The following EPHX4 variants were observed in gnomAD, a reference collection of about 807,000 sequenced individuals.
EPHX4 encodes abhydrolase domain containing 7.
In EPHX4, 31 loss-of-function variants were observed where a neutral mutation model predicts 44.9. The observed-to-expected ratio is 0.69, with a 90% CI of 0.52 to 0.93. The LOEUF is 0.93. Among genes scored for constraint, EPHX4 ranks in the 40% least tolerant of loss-of-function variants. The pLI is 0.00. For missense variants in EPHX4, 373 were observed against 438.1 expected (o/e 0.85, Z 1.33); for synonymous variants, 151 against 159.7 (o/e 0.95, Z 0.41).
At chr1:92,034,121 T>C (rs949120508) in intron 2 of EPHX4, among the ~76,000 whole-genome samples, 8 of 137,310 alleles carry the variant, frequency 5.8e-5, no homozygotes, top group Middle Eastern at 3.8e-3. Context: ...TGAAACCCTG[T>C]CTCTACTAAA....
intron 2 of EPHX4, among the ~76,000 whole-genome samples, chr1:92,039,736 C>T (rs1372238448): frequency 3.3e-5 from 5 of 152,120 alleles, no homozygotes; most frequent in Admixed American, 1.3e-4. Flanking sequence ...TCACTGCAAC[C>T]TCCATCTCCC....
chr1:92,048,331 G>A (rs939242298), intron 4 of EPHX4, among the ~76,000 whole-genome samples: 1 of 152,172 alleles, frequency 6.6e-6, no homozygotes, highest in African/African-American at 2.4e-5. Context: ...AATTGATCAG[G>A]ACCCAAGAGT....
chr1:92,057,363 A>G (rs1001156959), intron 6 of EPHX4, among the ~76,000 whole-genome samples: 2 of 152,196 alleles, frequency 1.3e-5, no homozygotes, highest in East Asian at 3.8e-4. Context: ...AAAAATAACT[A>G]TTAATACAAA....
At chr1:92,039,884 C>T (rs1242390060) in intron 2 of EPHX4, among the ~76,000 whole-genome samples, 1 of 152,168 alleles carries the variant, frequency 6.6e-6, no homozygotes, top group Non-Finnish European at 1.5e-5. Flanking sequence ...AAATTCCTAA[C>T]CTCAAGCCAT....
chr1:92,045,811 C>T lies in EPHX4; in HGVS notation c.604+151C>T, dbSNP rs192732598. The T allele has an allele frequency of 1.5e-3, 1,200 of 821,580 alleles. 5 individuals carry two copies. Among genetic ancestry groups the T allele is most frequent in the Non-Finnish European group, 1.2e-3 (615 of 529,590 alleles). The allele number at this position is 821,580 out of a possible 1,614,324, so 50.9% of individuals were successfully genotyped here. A position where few individuals can be genotyped will look rare whatever the true frequency, so the allele number is the denominator to read the frequency against. Reference sequence around the variant, plus strand: ...GATAGCACATGACAGTGTCAGATACCTTGGTTTTCAATCTTCCTGGGGAAT... The same window carrying T: ...GATAGCACATGACAGTGTCAGATACTTTGGTTTTCAATCTTCCTGGGGAAT... On this transcript the variant is annotated intron_variant, in intron 4 of 6. Coordinates refer to ENST00000370383, the MANE Select transcript of EPHX4 (RefSeq NM_173567.5).
At position 92,045,555 on chromosome 1, in the gene EPHX4, G is replaced by T. The variant is rs1171476114; in HGVS notation, c.499G>T (p.Gly167Cys). The T allele has an allele frequency of 6.2e-7, 1 of 1,613,900 alleles. No individual in the cohort carries two copies. Among genetic ancestry groups the T allele is most frequent in the East Asian group, 2.2e-5 (1 of 44,864 alleles). ...SLGYSKCVLI[G>C]HDWGGMIAWL... ...AGGGTATAGCAAATGTGTTCTTATT[G>T]GCCATGACTGGGGGGGCATGATTGC... The change falls in exon 4 of 7, where the codon GGC (glycine) becomes TGC (cysteine). Residue 167 changes from glycine (G) to cysteine (C), a missense_variant. Physicochemically the swap from Gly to Cys is radical, Grantham distance 159. Transcript: ENST00000370383.
At position 92,063,292 on chromosome 1, in the gene EPHX4, C is replaced by T. The variant is rs1647538934; in HGVS notation, c.*6C>T. 6.4e-7 allele frequency: 1 copy of T among 1,569,482 alleles called. No individual in the cohort carries two copies. Reference sequence around the variant, plus strand: ...AAACAAGAAAAAAAGATTGACTTTTCTTTATCTTCTATGAAGGGTCTGTAA... The same window carrying T: ...AAACAAGAAAAAAAGATTGACTTTTTTTTATCTTCTATGAAGGGTCTGTAA... On this transcript the variant is annotated 3_prime_UTR_variant, in exon 7 of 7. Coordinates refer to ENST00000370383, the MANE Select transcript of EPHX4 (RefSeq NM_173567.5).
Position 92,040,941 on chromosome 1 carries a change from A to T in EPHX4, c.318-1882A>T, listed in dbSNP as rs1688500296. Among the ~76,000 whole-genome samples the T allele has an allele frequency of 2.0e-5, 3 of 152,050 alleles. No individual in the cohort carries two copies. The South Asian group carries it at 6.2e-4, about 32-fold the overall frequency. ...TGATCTCCCACTTGGCTTGTGTCAG[A>T]TAATTTTACACTGTATTTCCATGAA... On this transcript the variant is annotated intron_variant, in intron 2 of 6. Coordinates refer to ENST00000370383, the MANE Select transcript of EPHX4 (RefSeq NM_173567.5).
At chr1:92,036,827 A>G (rs1009999781) in intron 2 of EPHX4, among the ~76,000 whole-genome samples, 1 of 152,146 alleles carries the variant, frequency 6.6e-6, no homozygotes. Flanking sequence ...TGGTAATCAG[A>G]TATCTCTGGA....
chr1:92,033,123 T>C (rs1158672823), intron 2 of EPHX4, among the ~76,000 whole-genome samples: 1 of 149,798 alleles, frequency 6.7e-6, no homozygotes, highest in Non-Finnish European at 1.5e-5. Flanking sequence ...CTATATTGCC[T>C]AGGCTGGTCT....
At position 92,050,382 on chromosome 1, in the gene EPHX4, T is replaced by C; in HGVS notation, c.670T>C (p.Trp224Arg). The C allele has an allele frequency of 6.2e-7, 1 of 1,604,330 alleles. No homozygotes were observed. Among genetic ancestry groups the C allele is most frequent in the South Asian group, 1.1e-5 (1 of 89,208 alleles). ...SSYYYFFQIPWFPEFMFSIND... is the reference protein window; with the variant it reads ...SSYYYFFQIPRFPEFMFSIND... Reference sequence around the variant, plus strand: ...TTATTATTACTTCTTCCAAATACCATGGTTCCCAGAATTTATGTTCTCAAT... The same window carrying C: ...TTATTATTACTTCTTCCAAATACCACGGTTCCCAGAATTTATGTTCTCAAT... Residue 224 changes from tryptophan to arginine, a missense_variant, in exon 5 of 7, where the codon TGG becomes CGG. Coordinates refer to ENST00000370383, the MANE Select transcript of EPHX4 (RefSeq NM_173567.5).
Position 92,030,270 on chromosome 1 carries a change from G to C in EPHX4, c.191G>C (p.Ser64Thr). 1 of 1,600,854 alleles carries C rather than the reference G, an allele frequency of 6.2e-7. No homozygotes were observed. The highest frequency in any genetic ancestry group is 1.1e-5 in the South Asian group (1 of 89,338). Residue 64 changes from serine (S) to threonine (T), a missense_variant, in exon 1 of 7, where the codon AGC becomes ACC. Physicochemically the swap from Ser to Thr is moderately conservative, Grantham distance 58. Coordinates refer to ENST00000370383, the MANE Select transcript of EPHX4 (RefSeq NM_173567.5). ...PAREHPPACL[S>T]DPSLGTHCYV... ...CGGGAGCACCCTCCCGCGTGCCTGA[G>C]CGACCCCTCCTTGGGCACCCACTGC...
At chr1:92,053,071 C>T (rs553537628) in intron 6 of EPHX4, among the ~76,000 whole-genome samples, 2 of 151,940 alleles carry the variant, frequency 1.3e-5, no homozygotes, top group Non-Finnish European at 2.9e-5. Context: ...AAACTTGTAG[C>T]CTAATAGGGA....
chr1:92,063,303 A>G lies in EPHX4; in HGVS notation c.*17A>G. On this transcript the variant is annotated 3_prime_UTR_variant, in exon 7 of 7. Transcript: ENST00000370383. The stretch of plus-strand genomic sequence containing the variant: ...AAAGATTGACTTTTCTTTATCTTCT[A>G]TGAAGGGTCTGTAATGAAATCTCTA... 7.9e-6 allele frequency: 12 copies of G among 1,527,800 alleles called. No individual in the cohort carries two copies. The highest frequency in any genetic ancestry group is 1.1e-5 in the Non-Finnish European group (12 of 1,124,680). The allele number at this position is 1,527,800 out of a possible 1,614,324, so 94.6% of individuals were successfully genotyped here.
chr1:92,044,854 A>G (rs1688561622), intron 3 of EPHX4, among the ~76,000 whole-genome samples: 1 of 152,184 alleles, frequency 6.6e-6, no homozygotes, highest in South Asian at 2.1e-4. Flanking sequence ...TGACTTCATT[A>G]TGTGCAGTCT....
intron 6 of EPHX4, among the ~76,000 whole-genome samples, chr1:92,056,374 C>G (rs998484086): frequency 1.3e-5 from 2 of 152,112 alleles, no homozygotes; most frequent in Non-Finnish European, 2.9e-5. Flanking sequence ...AGGAATAAGA[C>G]TAGCTATAGA....
intron 2 of EPHX4, among the ~76,000 whole-genome samples, chr1:92,037,362 C>T (rs1688453836): frequency 1.3e-5 from 2 of 152,104 alleles, no homozygotes; most frequent in African/African-American, 4.8e-5. Context: ...TGTTACACAG[C>T]AACAATAAAA....
Position 92,047,838 on chromosome 1 carries a change from C to G in EPHX4, c.604+2178C>G, listed in dbSNP as rs1688603823. Among the ~76,000 whole-genome samples the G allele has an allele frequency of 2.0e-5, 3 of 152,154 alleles. No individual in the cohort carries two copies. The South Asian group carries it at 6.2e-4, about 32-fold the overall frequency. On this transcript the variant is annotated intron_variant, in intron 4 of 6. Coordinates refer to ENST00000370383, the MANE Select transcript of EPHX4 (RefSeq NM_173567.5). ...ATTGCTATGAAATAGTTTTGACCACCTGGATACCTTAAAAAGTCTTGGGAA... is the reference window on the plus strand; with the variant it reads ...ATTGCTATGAAATAGTTTTGACCACGTGGATACCTTAAAAAGTCTTGGGAA...
intron 6 of EPHX4, 119 bp downstream of exon 6, chr1:92,052,777 T>G (rs1475688064): frequency 1.1e-6 from 1 of 898,742 alleles, no homozygotes; most frequent in East Asian, 3.0e-5. Context: ...GGTATTTTAA[T>G]TTTTTTAGTA....
Sources: allele counts gnomAD v4.1 joint callset (sites outside exome capture counted in the v4.1 genomes callset), GRCh38; gene constraint gnomAD v4.1.1; transcripts MANE v1.5; gene names NCBI Gene and HGNC (gene_info 2026-07-23, HGNC 2026-07-21).